EVC2: variants seen among roughly 807,000 people sequenced by gnomAD.
EVC2 encodes the protein EvC ciliary complex subunit 2, also known as limbin.
Under a neutral mutation model 149.3 loss-of-function variants are expected in EVC2, and 148 were observed. The observed-to-expected ratio is 0.99, with a 90% CI of 0.87 to 1.14. The LOEUF (loss-of-function observed/expected upper bound fraction) is 1.14. Among genes scored for constraint, EVC2 ranks in the 50% most tolerant of loss-of-function variants. EVC2 has a pLI of 0.00. For missense variants in EVC2, 1,854 were observed against 1,627.3 expected, an observed-to-expected ratio of 1.14 and a Z score of -2.40; for synonymous variants, 776 against 649.9, an observed-to-expected ratio of 1.19 and a Z score of -2.95.
intron 13 of EVC2, among the ~76,000 whole-genome samples, chr4:5,623,378 C>T (rs1456602149): frequency 6.7e-6 from 1 of 149,856 alleles, no homozygotes; most frequent in African/African-American, 2.5e-5. Context: ...CTCCTTCTGT[C>T]GCCCAGGCTG....
At chr4:5,617,169 A>G (rs1390045645) in intron 15 of EVC2, among the ~76,000 whole-genome samples, 1 of 152,200 alleles carries the variant, frequency 6.6e-6, no homozygotes, top group Non-Finnish European at 1.5e-5. Context: ...ACATTCAGAA[A>G]GGATATGTCT....
At chr4:5,663,704 T>C (rs1055021963) in intron 8 of EVC2, among the ~76,000 whole-genome samples, 2 of 152,112 alleles carry the variant, frequency 1.3e-5, no homozygotes, top group Non-Finnish European at 2.9e-5. Flanking sequence ...ATGGATCACT[T>C]GAGGTTAGGA....
chr4:5,546,387 A>C (rs1208440530), intron 21 of EVC2, among the ~76,000 whole-genome samples: 1 of 151,360 alleles, frequency 6.6e-6, no homozygotes, highest in Non-Finnish European at 1.5e-5. Context: ...TGCAGCCATA[A>C]AAAAATGATG....
chr4:5,585,765 A>G (rs1447719641), intron 16 of EVC2, among the ~76,000 whole-genome samples: 1 of 151,966 alleles, frequency 6.6e-6, no homozygotes, highest in Admixed American at 6.6e-5. Context: ...GCAACCACTG[A>G]TGTGCTTTCA....
intron 15 of EVC2, 55 bp from the exon 16 acceptor site, chr4:5,615,599 G>A (rs1577160578): frequency 6.2e-7 from 1 of 1,613,480 alleles, no homozygotes; most frequent in East Asian, 2.2e-5. Flanking sequence ...GCAAGTCCAT[G>A]CAGCTCCCCC....
chr4:5,547,671 A>C (rs2108757830), intron 21 of EVC2, among the ~76,000 whole-genome samples: 1 of 152,312 alleles, frequency 6.6e-6, no homozygotes, highest in South Asian at 2.1e-4. Context: ...TGTGTCACTC[A>C]ATAAAGCTCC....
At chr4:5,623,026 G>A (rs577489866) in intron 13 of EVC2, 35 bp from the exon 14 acceptor site, 1 of 1,603,090 alleles carries the variant, frequency 6.2e-7, no homozygotes, top group South Asian at 1.1e-5. Context: ...AGTGGGGGTG[G>A]GGCTTGGCGG....
At chr4:5,665,459 G>A (rs1719202804) in intron 8 of EVC2, 56 bp downstream of exon 8, 1 of 1,612,368 alleles carries the variant, frequency 6.2e-7, no homozygotes, top group South Asian at 1.1e-5. Context: ...AGAACTGGGG[G>A]ATGAACTTCA....
Position 5,685,447 on chromosome 4 carries a change from T to C in EVC2, c.739A>G (p.Thr247Ala). ...TTCCCGAGGTCTCCAGCCTGGAGCG[T>C]GGCTGCGTAGCTGACAGCAAAGGCA... ...GDAFAVSYAA[T>A]LQAGDLGNGE... Residue 247 changes from threonine (T) to alanine (A), a missense_variant, in exon 6 of 22, where the codon ACG (threonine) becomes GCG (alanine). By Grantham distance (58) the Thr-to-Ala change is moderately conservative. Transcript: ENST00000344408. 1 of 1,614,162 alleles carries C rather than the reference T, an allele frequency of 6.2e-7. No homozygotes were observed.
At chr4:5,565,570 G>C (rs987022164) in intron 20 of EVC2, among the ~76,000 whole-genome samples, 1 of 151,688 alleles carries the variant, frequency 6.6e-6, no homozygotes, top group Non-Finnish European at 1.5e-5. Flanking sequence ...TACTCCGGAG[G>C]CTGAGGCAGA....
intron 16 of EVC2, among the ~76,000 whole-genome samples, chr4:5,592,952 G>C (rs1712959897): frequency 6.6e-6 from 1 of 152,114 alleles, no homozygotes; most frequent in South Asian, 2.1e-4. Context: ...CTGAATCATG[G>C]GGGTGATTAC....
chr4:5,559,811 A>G (rs561704318), downstream of EVC2, among the ~76,000 whole-genome samples: 1 of 152,294 alleles, frequency 6.6e-6, no homozygotes, highest in East Asian at 1.9e-4. This position sits in a 1 kb window ranked among gnomAD's most constrained non-coding sequence, Gnocchi z 5.0. Context: ...AATAAATGGA[A>G]AAGAGATCAT....
chr4:5,616,871 G>A (rs1715297588), intron 15 of EVC2, among the ~76,000 whole-genome samples: 1 of 152,178 alleles, frequency 6.6e-6, no homozygotes, highest in Admixed American at 6.5e-5. Flanking sequence ...TGAAAACCAA[G>A]CACCTTGGGT....
At chr4:5,607,334 T>C (rs1714473586) in intron 16 of EVC2, among the ~76,000 whole-genome samples, 1 of 152,226 alleles carries the variant, frequency 6.6e-6, no homozygotes, top group South Asian at 2.1e-4. Context: ...TTTGATAGGA[T>C]AGGCAACTAC....
At chr4:5,674,703 G>A (rs544250939) in intron 7 of EVC2, among the ~76,000 whole-genome samples, 6 of 152,230 alleles carry the variant, frequency 3.9e-5, no homozygotes, top group South Asian at 4.1e-4. Context: ...AAACAAAGGC[G>A]CCCAGTGGCC....
At chr4:5,660,612 C>T (rs185136474) in intron 9 of EVC2, among the ~76,000 whole-genome samples, 17 of 152,286 alleles carry the variant, frequency 1.1e-4, no homozygotes, top group South Asian at 2.1e-4. Flanking sequence ...AAGGGCTACT[C>T]GCCCTGACCA....
At chr4:5,594,375 C>T (rs1713170580) in intron 16 of EVC2, among the ~76,000 whole-genome samples, 1 of 152,156 alleles carries the variant, frequency 6.6e-6, no homozygotes, top group Non-Finnish European at 1.5e-5. Flanking sequence ...TGAGACAAAA[C>T]TTCCAGAGGA....
At chr4:5,538,947 C>T (rs2108754102), downstream of EVC2, among the ~76,000 whole-genome samples, 1 of 152,120 alleles carries the variant, frequency 6.6e-6, no homozygotes, top group Non-Finnish European at 1.5e-5. Context: ...AAGTTTTAGC[C>T]AGTAAAGTAA....
rs78945792 is a variant in EVC2, at chr4:5,707,902, G to T, written c.228+384C>A. 1,140 of 164,066 alleles carry T rather than the reference G, an allele frequency of 6.9e-3. 70 individuals are homozygous for T. The East Asian group carries it at 0.14, about 21-fold the overall frequency. 10.2% of individuals were successfully genotyped at this position (164,066 alleles called of 1,614,324 possible). On this transcript the variant is annotated intron_variant, in intron 1 of 21. Transcript: ENST00000344408. ...TTTCCCAGTGCTGGCCTCTGCAAGG[G>T]GCTCTGCATATGTGAGCTCATCTAA...
Sources: allele counts gnomAD v4.1 joint callset (sites outside exome capture counted in the v4.1 genomes callset), GRCh38; gene constraint gnomAD v4.1.1; non-coding constraint Gnocchi (gnomAD v3.1); transcripts MANE v1.5; gene names NCBI Gene and HGNC (gene_info 2026-07-23, HGNC 2026-07-21).